The following PKNOX2 variants were observed in gnomAD, a reference collection of about 807,000 sequenced individuals.
The protein encoded by PKNOX2 is PBX/knotted 1 homeobox 2.
In PKNOX2, 14 loss-of-function variants were observed where a neutral mutation model predicts 53.1. That is an observed-to-expected ratio of 0.26 (90% CI 0.17 to 0.41). The LOEUF is 0.41. PKNOX2 is among the 10% of genes least tolerant of loss of function. The probability of loss-of-function intolerance (pLI) is 1.00; values close to 1 mark genes in which losing one functional copy is unlikely to be tolerated. For missense variants in PKNOX2, 496 were observed against 602.8 expected (o/e 0.82, Z 1.85); for synonymous variants, 257 against 242.8 (o/e 1.06, Z -0.54).
At position 125,240,114 on chromosome 11, in the gene PKNOX2, G is replaced by A. The variant is rs996808327; in HGVS notation, c.-130+4999G>A. The A allele has an allele frequency of 6.6e-5, 10 of 152,300 alleles. No homozygotes were observed. Among genetic ancestry groups the A allele is most frequent in the Middle Eastern group, 3.4e-3 (1 of 294 alleles). The allele number at this position is 152,300 out of a possible 1,614,324, so 9.4% of individuals were successfully genotyped here. A position where few individuals can be genotyped will look rare whatever the true frequency, so the allele number is the denominator to read the frequency against. On this transcript the variant is annotated intron_variant, in intron 2 of 12. Coordinates refer to ENST00000298282, the MANE Select transcript of PKNOX2 (RefSeq NM_001382323.2). The surrounding 1 kb of genome is among the most constrained non-coding windows in gnomAD (Gnocchi z 4.3). Reference sequence around the variant, plus strand: ...CAGAGAGGCCGATTGATGAGATGCCGAGGTCTGCAGCCCCAACTGGAGGCG... The same window carrying A: ...CAGAGAGGCCGATTGATGAGATGCCAAGGTCTGCAGCCCCAACTGGAGGCG...
At chr11:125,385,018 C>T (rs1953525291) in intron 5 of PKNOX2, among the ~76,000 whole-genome samples, 1 of 152,178 alleles carries the variant, frequency 6.6e-6, no homozygotes, top group African/African-American at 2.4e-5. Flanking sequence ...GACAGGTGGA[C>T]ACATCTGCCC....
intron 2 of PKNOX2, among the ~76,000 whole-genome samples, chr11:125,237,813 G>C (rs1234492097): frequency 6.6e-6 from 1 of 152,124 alleles, no homozygotes; most frequent in African/African-American, 2.4e-5. Context: ...AGGTCTGGAG[G>C]AGTCCTAGAC....
intron 2 of PKNOX2, among the ~76,000 whole-genome samples, chr11:125,309,173 TC>T (rs1308081276): frequency 2.0e-5 from 3 of 150,168 alleles, no homozygotes; most frequent in African/African-American, 7.5e-5. Context: ...CCTTCCTTCC[TC>T]TCTCTCTTTC....
rs1591562743 is a variant in PKNOX2, at chr11:125,411,570, A to G, written c.817-176A>G. ...TCCCTTCTCCCATCACCCAAGCCTCACCTCCACTCTCTGAGGGGCTGGCAT... is the reference window on the plus strand; with the variant it reads ...TCCCTTCTCCCATCACCCAAGCCTCGCCTCCACTCTCTGAGGGGCTGGCAT... On this transcript the variant is annotated intron_variant, in intron 9 of 12. Transcript: ENST00000298282. 3 of 810,466 alleles carry G rather than the reference A, an allele frequency of 3.7e-6. No homozygotes were observed. In the South Asian group the frequency reaches 4.4e-5, roughly 12 times the overall value. The allele number at this position is 810,466 out of a possible 1,614,324, so 50.2% of individuals were successfully genotyped here.
chr11:125,220,187 T>A (rs1409951750), intron 1 of PKNOX2, among the ~76,000 whole-genome samples: 1 of 152,190 alleles, frequency 6.6e-6, no homozygotes, highest in Non-Finnish European at 1.5e-5. Context: ...AACAAGAATC[T>A]ATATTTGTAT....
intron 2 of PKNOX2, among the ~76,000 whole-genome samples, chr11:125,281,107 T>G (rs951830875): frequency 2.0e-5 from 3 of 152,040 alleles, no homozygotes; most frequent in African/African-American, 7.2e-5. Flanking sequence ...CGTGTCAGGG[T>G]TTCATGAGGC....
At chr11:125,294,805 A>G (rs186329467) in intron 2 of PKNOX2, among the ~76,000 whole-genome samples, 14 of 152,316 alleles carry the variant, frequency 9.2e-5, no homozygotes, top group Admixed American at 1.3e-4. Flanking sequence ...ATTACATGAG[A>G]TGAAAAACAG....
chr11:125,180,081 G>A (rs1956067309), intron 1 of PKNOX2, among the ~76,000 whole-genome samples: 1 of 152,166 alleles, frequency 6.6e-6, no homozygotes, highest in South Asian at 2.1e-4. Context: ...GCACGCTCCT[G>A]CCTGAGGGCC....
At chr11:125,239,580 T>C (rs760380324) in intron 2 of PKNOX2, 1 of 152,158 alleles carries the variant, frequency 6.6e-6, no homozygotes, top group Non-Finnish European at 1.5e-5. Context: ...TTGTGAAAGG[T>C]GGAGGTTTCT....
chr11:125,258,973 A>G, intron 2 of PKNOX2: 1 of 246,102 alleles, frequency 4.1e-6, no homozygotes, highest in Non-Finnish European at 8.6e-6. Context: ...TCTGCCATGG[A>G]AGAGGGAGTG....
chr11:125,372,441 A>G (rs377754964), intron 5 of PKNOX2, among the ~76,000 whole-genome samples: 1 of 152,220 alleles, frequency 6.6e-6, no homozygotes, highest in African/African-American at 2.4e-5. Flanking sequence ...TTTAGCTGCA[A>G]TCCTACATTC....
intron 4 of PKNOX2, 92 bp downstream of exon 4, chr11:125,351,484 GACGGGCAGAGCCAGGCCTCCCGCAATC>G: frequency 1.2e-6 from 1 of 811,806 alleles, no homozygotes. Context: ...TCCAGGGGCC[GACGGGCAGAGCCAGGCCTCCCGCAATC>G]ACGTCCTGGT....
intron 2 of PKNOX2, among the ~76,000 whole-genome samples, chr11:125,315,349 T>G: frequency 6.9e-6 from 1 of 144,246 alleles, no homozygotes; most frequent in Non-Finnish European, 1.5e-5. Flanking sequence ...TGCATTAAAA[T>G]TGATGCGTTA....
chr11:125,201,517 T>C (rs1938439188), intron 1 of PKNOX2, among the ~76,000 whole-genome samples: 1 of 152,184 alleles, frequency 6.6e-6, no homozygotes, highest in African/African-American at 2.4e-5. Context: ...AGAAGGTGCC[T>C]GGTGCTGTGT....
At chr11:125,308,753 G>A (rs561209509) in intron 2 of PKNOX2, among the ~76,000 whole-genome samples, 1 of 152,252 alleles carries the variant, frequency 6.6e-6, no homozygotes, top group African/African-American at 2.4e-5. Flanking sequence ...TCCTGGTGAC[G>A]GCAGCTCTCC....
chr11:125,170,771 C>A (rs1348602200), intron 1 of PKNOX2, among the ~76,000 whole-genome samples: 1 of 152,154 alleles, frequency 6.6e-6, no homozygotes, highest in East Asian at 1.9e-4. Context: ...TAGATTAAGT[C>A]TCCACCAAAC....
chr11:125,288,925 C>G (rs146235859), intron 2 of PKNOX2, among the ~76,000 whole-genome samples: 1 of 152,360 alleles, frequency 6.6e-6, no homozygotes, highest in African/African-American at 2.4e-5. Context: ...CACGCTCTAT[C>G]AGATTCATTT....
intron 1 of PKNOX2, among the ~76,000 whole-genome samples, chr11:125,229,538 G>C (rs561805760): frequency 2.3e-4 from 35 of 152,332 alleles, no homozygotes; most frequent in South Asian, 8.3e-4. Context: ...ACCTCTGCCA[G>C]TCAATAAGGA....
At chr11:125,353,099 C>T (rs1443868472) in intron 4 of PKNOX2, among the ~76,000 whole-genome samples, 1 of 152,204 alleles carries the variant, frequency 6.6e-6, no homozygotes, top group African/African-American at 2.4e-5. Flanking sequence ...GCCCACATAT[C>T]GATTAAGTGG....
Sources: allele counts gnomAD v4.1 joint callset (sites outside exome capture counted in the v4.1 genomes callset), GRCh38; gene constraint gnomAD v4.1.1; non-coding constraint Gnocchi (gnomAD v3.1); transcripts MANE v1.5; gene names NCBI Gene and HGNC (gene_info 2026-07-23, HGNC 2026-07-21).